SUPT3H: variants seen among roughly 807,000 people sequenced by gnomAD.
The protein encoded by SUPT3H is transcription initiation protein SPT3 homolog.
A neutral mutation model predicts 44.3 loss-of-function variants in SUPT3H; 44 were observed. The ratio of observed to expected loss-of-function variants is 0.99; its 90% CI spans 0.78 to 1.28. The LOEUF (loss-of-function observed/expected upper bound fraction) is 1.28. Among genes scored for constraint, SUPT3H ranks in the 50% most tolerant of loss-of-function variants. The pLI is 0.00. For missense variants in SUPT3H, 380 were observed against 387.1 expected (o/e 0.98, Z 0.15); for synonymous variants, 124 against 125.6 (o/e 0.99, Z 0.09).
At chr6:44,954,699 CAG>C in intron 7 of SUPT3H, 92 bp from the exon 8 acceptor site, 1 of 710,272 alleles carries the variant, frequency 1.4e-6, no homozygotes, top group Non-Finnish European at 2.4e-6. Flanking sequence ...AAAGTATACT[CAG>C]AATTGTACAC....
At chr6:45,349,604 T>G (rs1485717685) in intron 2 of SUPT3H, among the ~76,000 whole-genome samples, 1 of 152,212 alleles carries the variant, frequency 6.6e-6, no homozygotes, top group Non-Finnish European at 1.5e-5. Context: ...TAATGCACAC[T>G]AAGGTTTGGG....
At chr6:45,180,806 G>C (rs9381370) in intron 2 of SUPT3H, among the ~76,000 whole-genome samples, 92,398 of 149,466 alleles carry the variant, frequency 0.62, 29,119 homozygotes, top group African/African-American at 0.77. Context: ...ACATAGGCAT[G>C]GGCAAGGACT....
chr6:44,906,756 C>T (rs987398293), intron 10 of SUPT3H, among the ~76,000 whole-genome samples: 5 of 151,942 alleles, frequency 3.3e-5, no homozygotes, highest in African/African-American at 4.8e-5. Flanking sequence ...AGTGAGACTC[C>T]GTCTCAAAAA....
chr6:45,281,453 C>G (rs4610549), intron 2 of SUPT3H, among the ~76,000 whole-genome samples: 3 of 151,690 alleles, frequency 2.0e-5, no homozygotes, highest in Non-Finnish European at 4.4e-5. Flanking sequence ...TATCCCGTGC[C>G]TGGCTCAGAG....
At chr6:45,025,240 A>G (rs1051909748) in intron 3 of SUPT3H, among the ~76,000 whole-genome samples, 4 of 152,158 alleles carry the variant, frequency 2.6e-5, no homozygotes, top group Non-Finnish European at 4.4e-5. Context: ...GAAAAATAAG[A>G]TGTATGATTA....
At chr6:45,087,896 G>T (rs187136252) in intron 3 of SUPT3H, among the ~76,000 whole-genome samples, 2 of 151,946 alleles carry the variant, frequency 1.3e-5, no homozygotes, top group East Asian at 3.9e-4. Context: ...CATAGAAGTC[G>T]CCACTAAAAT....
At chr6:45,090,027 C>T (rs767985416) in intron 3 of SUPT3H, among the ~76,000 whole-genome samples, 28 of 152,020 alleles carry the variant, frequency 1.8e-4, no homozygotes, top group Non-Finnish European at 3.4e-4. Flanking sequence ...CAACTGGAAA[C>T]CCATATGGCT....
chr6:44,936,699 G>A (rs1156272915), intron 9 of SUPT3H, among the ~76,000 whole-genome samples: 1 of 152,104 alleles, frequency 6.6e-6, no homozygotes, highest in Non-Finnish European at 1.5e-5. Context: ...ACAGCGTCTT[G>A]CTCTGTCCCC....
chr6:44,875,384 A>G (rs1384866489), intron 10 of SUPT3H, among the ~76,000 whole-genome samples: 3 of 27,048 alleles, frequency 1.1e-4, no homozygotes, highest in South Asian at 2.8e-3. Flanking sequence ...CAAACCTGAG[A>G]AAAACAAGCA....
chr6:45,185,911 C>A (rs1327807972), intron 2 of SUPT3H, among the ~76,000 whole-genome samples: 1 of 152,172 alleles, frequency 6.6e-6, no homozygotes, highest in Non-Finnish European at 1.5e-5. Flanking sequence ...AGAGTCCCAA[C>A]CCACTTTGTA....
At position 44,883,877 on chromosome 6, in the gene SUPT3H, G is replaced by A. The variant is rs148712140; in HGVS notation, c.912+48776C>T. Among the ~76,000 whole-genome samples the A allele has an allele frequency of 2.6e-3, 389 of 152,098 alleles. 3 individuals carry two copies. Among genetic ancestry groups the A allele is most frequent in the African/African-American group, 8.6e-3 (355 of 41,494 alleles). Reference sequence around the variant, plus strand: ...CCTTATACAAAAATTAACTCAAGATGGATTAAAACTTAAACATAAGACCTA... The same window carrying A: ...CCTTATACAAAAATTAACTCAAGATAGATTAAAACTTAAACATAAGACCTA... On this transcript the variant is annotated intron_variant, in intron 10 of 10. Transcript: ENST00000371459.
intron 3 of SUPT3H, among the ~76,000 whole-genome samples, chr6:45,061,372 C>T (rs1424792038): frequency 6.6e-6 from 1 of 152,120 alleles, no homozygotes; most frequent in Admixed American, 6.6e-5. Flanking sequence ...TGCATGTTCT[C>T]ATTTATAAGT....
chr6:45,004,207 T>C (rs1782392570), intron 5 of SUPT3H, among the ~76,000 whole-genome samples: 1 of 151,812 alleles, frequency 6.6e-6, no homozygotes. Context: ...ACTGGTAACA[T>C]TAACGTTAGA....
rs1296491007 is a variant in SUPT3H, at chr6:45,365,260, T to C, written c.42A>G (p.Ser14=). The C allele has an allele frequency of 1.2e-6, 2 of 1,612,418 alleles. No homozygotes were observed. The highest frequency in any genetic ancestry group is 1.7e-6 in the Non-Finnish European group (2 of 1,179,200). ...ACTTCCCTGTACTCCTTCCACTACT[T>C]GAAGTTGCAGTAGACATTGGACTAG... ...TAASPMSTAT[S]SSGRSTGKSI... is the part of the protein sequence containing the mutation. Residue 14 remains serine (S), a synonymous_variant, in exon 2 of 11, where the codon TCA becomes TCG. Transcript: ENST00000371459.
At position 44,845,447 on chromosome 6, in the gene SUPT3H, G is replaced by C. The variant is rs923747198; in HGVS notation, c.913-15590C>G. 2.6e-5 allele frequency among the ~76,000 whole-genome samples: 4 copies of C among 152,190 alleles called. No homozygotes were observed. In the South Asian group the frequency reaches 8.3e-4, roughly 32 times the overall value. ...ATGAAGTAGCAGGCTTTCAAAAACT[G>C]TTTTGGTACTGGTATGGAAGAGGGG... On this transcript the variant is annotated intron_variant, in intron 10 of 10. Transcript: ENST00000371459.
intron 2 of SUPT3H, among the ~76,000 whole-genome samples, chr6:45,325,827 A>T (rs1786256226): frequency 6.6e-6 from 1 of 151,828 alleles, no homozygotes; most frequent in Non-Finnish European, 1.5e-5. Flanking sequence ...AATGTGCCCC[A>T]GTTGTCATTG....
intron 7 of SUPT3H, 142 bp from the exon 8 acceptor site, chr6:44,954,749 G>C: frequency 1.6e-6 from 1 of 617,408 alleles, no homozygotes; most frequent in Non-Finnish European, 2.8e-6. Flanking sequence ...TTAATGTCTA[G>C]ATATTCTGGC....
intron 2 of SUPT3H, among the ~76,000 whole-genome samples, chr6:45,135,237 C>A (rs560313248): frequency 6.6e-6 from 1 of 152,184 alleles, no homozygotes; most frequent in South Asian, 2.1e-4. Context: ...CTCTAAAAGG[C>A]CTTTGGGGTC....
At chr6:45,025,762 A>G (rs943539312) in intron 3 of SUPT3H, among the ~76,000 whole-genome samples, 14 of 152,106 alleles carry the variant, frequency 9.2e-5, no homozygotes, top group African/African-American at 3.4e-4. Flanking sequence ...GGGCGCCTGT[A>G]GTCTCAGCTG....
Sources: allele counts gnomAD v4.1 joint callset (sites outside exome capture counted in the v4.1 genomes callset), GRCh38; gene constraint gnomAD v4.1.1; transcripts MANE v1.5; gene names NCBI Gene and HGNC (gene_info 2026-07-23, HGNC 2026-07-21).